The following AFF2 variants were observed in gnomAD, a reference collection of about 807,000 sequenced individuals.
The protein encoded by AFF2 is ALF transcription elongation factor 2.
Under a neutral mutation model 76.9 loss-of-function variants are expected in AFF2, and 14 were observed. That is an observed-to-expected ratio of 0.18 (90% CI 0.12 to 0.28). The LOEUF (loss-of-function observed/expected upper bound fraction) is 0.28. AFF2 is among the 10% of genes least tolerant of loss of function. The pLI is 1.00. For synonymous variants in AFF2, 398 were observed against 366.7 expected (o/e 1.09, Z -0.98); for missense variants, 868 against 1,001.1 (o/e 0.87, Z 1.79).
intron 1 of AFF2, among the ~76,000 whole-genome samples, chrX:148,552,095 C>T (rs554745946): frequency 2.7e-5 from 3 of 112,790 alleles, no homozygotes; most frequent in East Asian, 5.6e-4. Flanking sequence ...GAAGCTTGTA[C>T]TCGGTCTCTC....
chrX:148,733,937 C>G (rs1327066032), intron 3 of AFF2, among the ~76,000 whole-genome samples: 1 of 112,336 alleles, frequency 8.9e-6, no homozygotes, highest in African/African-American at 3.2e-5. Context: ...GGCCTTGGTT[C>G]CAACAATAGT....
rs782122795 is a variant in AFF2, at chrX:148,748,141, T to C, written c.1042-61735T>C. Among the ~76,000 whole-genome samples, 7 of 112,261 alleles carry C rather than the reference T, an allele frequency of 6.2e-5. No individual in the cohort carries two copies. In the Admixed American group the frequency reaches 6.6e-4, roughly 11 times the overall value. Reference sequence around the variant, plus strand: ...TAAATCAAATTCTTATCTGCCTTTCTGCAGATAGCACATTATATAAAATAC... The same window carrying C: ...TAAATCAAATTCTTATCTGCCTTTCCGCAGATAGCACATTATATAAAATAC... On this transcript the variant is annotated intron_variant, in intron 3 of 20. Coordinates refer to ENST00000370460, the MANE Select transcript of AFF2 (RefSeq NM_002025.4).
chrX:148,796,445 A>AAAT (rs1483968192), intron 3 of AFF2, among the ~76,000 whole-genome samples: 1 of 112,341 alleles, frequency 8.9e-6, no homozygotes, highest in Non-Finnish European at 1.9e-5. Flanking sequence ...TGACAAGAAG[A>AAAT]AATTCTGGCT....
At chrX:148,757,045 T>C (rs2124581991) in intron 3 of AFF2, among the ~76,000 whole-genome samples, 1 of 112,543 alleles carries the variant, frequency 8.9e-6, no homozygotes, top group South Asian at 3.6e-4. Flanking sequence ...CATTCTGATA[T>C]ATTTAGAAAA....
intron 10 of AFF2, among the ~76,000 whole-genome samples, chrX:148,954,061 A>G (rs781851198): frequency 6.2e-5 from 7 of 112,310 alleles, no homozygotes; most frequent in African/African-American, 2.3e-4. Context: ...AGAATCAATG[A>G]AGCCAGTCAA....
chrX:148,843,560 A>C, intron 7 of AFF2, 127 bp downstream of exon 7: 2 of 543,374 alleles, frequency 3.7e-6, no homozygotes, highest in Non-Finnish European at 2.9e-6. Flanking sequence ...TCATAATAAT[A>C]TGTAGTTTGG....
At chrX:148,751,310 C>A (rs1469681657) in intron 3 of AFF2, among the ~76,000 whole-genome samples, 1 of 112,294 alleles carries the variant, frequency 8.9e-6, no homozygotes, top group Non-Finnish European at 1.9e-5. Context: ...TAAAAACCAA[C>A]AACAAAGTTC....
intron 3 of AFF2, among the ~76,000 whole-genome samples, chrX:148,697,241 T>G (rs782197901): frequency 8.0e-5 from 9 of 112,585 alleles, no homozygotes; most frequent in African/African-American, 2.9e-4. Flanking sequence ...GGCCTTGAGT[T>G]AAAAGATTTA....
rs998717561 is a variant in AFF2 at position 148,993,278 on chromosome X, C to T, written c.*1946C>T. 8.0e-5 allele frequency: 9 copies of T among 112,812 alleles called. No homozygotes were observed. The highest frequency in any genetic ancestry group is 2.9e-4 in the African/African-American group (9 of 30,974). The allele number at this position is 112,812 out of a possible 1,213,427, so 9.3% of individuals were successfully genotyped here. A position where few individuals can be genotyped will look rare whatever the true frequency, so the allele number is the denominator to read the frequency against. Reference sequence around the variant, plus strand: ...CAGCAACAACACTTATGCATCCAAACACTCACAAATGAAACCTGAAAGAAT... The same window carrying T: ...CAGCAACAACACTTATGCATCCAAATACTCACAAATGAAACCTGAAAGAAT... On this transcript the variant is annotated 3_prime_UTR_variant, in exon 21 of 21. Transcript: ENST00000370460.
At chrX:148,935,161 C>A (rs182344951) in intron 9 of AFF2, among the ~76,000 whole-genome samples, 37 of 108,495 alleles carry the variant, frequency 3.4e-4, no homozygotes, top group Non-Finnish European at 6.1e-4. Context: ...CATTATTTTA[C>A]ATATATATAT....
chrX:148,998,480 A>C lies in AFF2; in HGVS notation c.*7148A>C, dbSNP rs2072634023. 1 of 112,761 alleles carries C rather than the reference A, an allele frequency of 8.9e-6. No homozygotes were observed. Among genetic ancestry groups the C allele is most frequent in the Non-Finnish European group, 1.9e-5 (1 of 53,328 alleles). The allele number at this position is 112,761 out of a possible 1,213,427, so 9.3% of individuals were successfully genotyped here. A position where few individuals can be genotyped will look rare whatever the true frequency, so the allele number is the denominator to read the frequency against. ...GAAATCGTGATAATATAACTGCATT[A>C]TTACATGGCAGTATAAATATTAGTC... On this transcript the variant is annotated 3_prime_UTR_variant, in exon 21 of 21. Transcript: ENST00000370460.
intron 1 of AFF2, among the ~76,000 whole-genome samples, chrX:148,512,838 T>TAC (rs1472844549): frequency 8.9e-6 from 1 of 112,354 alleles, no homozygotes; most frequent in Non-Finnish European, 1.9e-5. Flanking sequence ...TCTGTCTTTG[T>TAC]AGTTTATTCC....
chrX:148,722,066 T>A (rs1417956436), intron 3 of AFF2, among the ~76,000 whole-genome samples: 1 of 111,491 alleles, frequency 9.0e-6, no homozygotes, highest in Non-Finnish European at 1.9e-5. Flanking sequence ...TTTCAACACA[T>A]CTTTTGAGGG....
At chrX:148,569,841 C>G (rs143402078) in intron 1 of AFF2, among the ~76,000 whole-genome samples, 1,470 of 111,251 alleles carry the variant, frequency 0.013, 11 homozygotes, top group Middle Eastern at 0.023. Flanking sequence ...GTAATGTTTA[C>G]CAAACTACTC....
intron 3 of AFF2, among the ~76,000 whole-genome samples, chrX:148,740,875 G>A (rs930621838): frequency 8.9e-6 from 1 of 111,764 alleles, no homozygotes; most frequent in African/African-American, 3.3e-5. Context: ...TTTTCCTGGG[G>A]ATGTGGCTTC....
chrX:148,906,792 C>T lies in AFF2; in HGVS notation c.1397+2534C>T, dbSNP rs1220220668. ...CGCCGTCCACCACTGCTGAATGCCG[C>T]CATTGCAGACCTGCCCTTGACTTCC... On this transcript the variant is annotated intron_variant, in intron 9 of 20. Transcript: ENST00000370460. Among the ~76,000 whole-genome samples, 3 of 111,792 alleles carry T rather than the reference C, an allele frequency of 2.7e-5. No individual in the cohort carries two copies. The South Asian group carries it at 1.1e-3, about 42-fold the overall frequency.
intron 7 of AFF2, among the ~76,000 whole-genome samples, chrX:148,850,249 A>G (rs904152267): frequency 3.6e-5 from 4 of 112,178 alleles, no homozygotes; most frequent in African/African-American, 1.3e-4. Flanking sequence ...ATTTGGGTCT[A>G]TTTTTATAAG....
chrX:148,920,788 T>A (rs2071585926), intron 9 of AFF2, among the ~76,000 whole-genome samples: 1 of 111,401 alleles, frequency 9.0e-6, no homozygotes, highest in African/African-American at 3.3e-5. Context: ...TTTCCATAGC[T>A]TATTTGACCC....
At chrX:148,554,804 C>T (rs61536891) in intron 1 of AFF2, among the ~76,000 whole-genome samples, 3,085 of 111,884 alleles carry the variant, frequency 0.028, 95 homozygotes, top group African/African-American at 0.093. Context: ...TGGCCAGAAC[C>T]GGGTCTGGCA....
Sources: allele counts gnomAD v4.1 joint callset (sites outside exome capture counted in the v4.1 genomes callset), GRCh38; gene constraint gnomAD v4.1.1; transcripts MANE v1.5; gene names NCBI Gene and HGNC (gene_info 2026-07-23, HGNC 2026-07-21).